FAAH2: variants seen among roughly 807,000 people sequenced by gnomAD.
The protein encoded by FAAH2 is fatty-acid amide hydrolase 2.
FAAH2 carries 60 observed loss-of-function variants against 36.9 expected under a neutral mutation model. The observed-to-expected ratio is 1.63, with a 90% CI of 1.32 to 2.02. The LOEUF (loss-of-function observed/expected upper bound fraction) is 2.02. Ranked by LOEUF, FAAH2 falls within the 30% of genes most tolerant of loss-of-function variation. The pLI, the probability that FAAH2 is intolerant of heterozygous loss-of-function variation, is 0.00. For synonymous variants in FAAH2, 214 were observed against 143.8 expected (o/e 1.49, Z -3.49); for missense variants, 689 against 397.5 (o/e 1.73, Z -6.23).
chrX:57,180,003 C>T, the FAAH2 span, among the ~76,000 whole-genome samples: 1 of 111,976 alleles, frequency 8.9e-6, no homozygotes, highest in Non-Finnish European at 1.9e-5. Context: ...AAACAATCTG[C>T]TCTTGAATGA....
At chrX:57,327,809 T>C in intron 3 of FAAH2, among the ~76,000 whole-genome samples, 1 of 111,817 alleles carries the variant, frequency 8.9e-6, no homozygotes, top group Non-Finnish European at 1.9e-5. Context: ...CTTGCCGTAG[T>C]TTGATAATCT....
chrX:57,383,305 A>T (rs750060053), intron 7 of FAAH2, among the ~76,000 whole-genome samples: 4 of 112,019 alleles, frequency 3.6e-5, no homozygotes, highest in Non-Finnish European at 3.8e-5. Context: ...TATGCAACAT[A>T]GTGTTGGAAG....
intron 7 of FAAH2, among the ~76,000 whole-genome samples, chrX:57,397,417 T>C (rs1026858134): frequency 2.3e-4 from 26 of 112,252 alleles, no homozygotes; most frequent in African/African-American, 7.8e-4. Flanking sequence ...GTCATTTTTT[T>C]GTTTCCATAT....
At chrX:57,350,302 A>G (rs2147095699) in intron 5 of FAAH2, among the ~76,000 whole-genome samples, 1 of 111,058 alleles carries the variant, frequency 9.0e-6, no homozygotes, top group Non-Finnish European at 1.9e-5. Context: ...ATGAAAACAC[A>G]TGAAAGCAAA....
chrX:57,131,376 C>T, the FAAH2 span, among the ~76,000 whole-genome samples: 2 of 111,584 alleles, frequency 1.8e-5, no homozygotes, highest in African/African-American at 6.5e-5. Flanking sequence ...TGAGCCACCG[C>T]GCCCGGCCGG....
At chrX:57,242,188 G>A in the FAAH2 span, among the ~76,000 whole-genome samples, 1 of 111,813 alleles carries the variant, frequency 8.9e-6, no homozygotes, top group South Asian at 3.7e-4. Context: ...GGGGTCAGCA[G>A]ACACCTTATA....
the FAAH2 span, among the ~76,000 whole-genome samples, chrX:57,264,780 A>G: frequency 3.6e-5 from 4 of 112,595 alleles, no homozygotes; most frequent in Non-Finnish European, 7.5e-5. Flanking sequence ...ATGGAATCAA[A>G]CCAAATACCC....
chrX:57,300,155 C>G (rs1000808859), intron 2 of FAAH2, among the ~76,000 whole-genome samples: 1 of 111,424 alleles, frequency 9.0e-6, no homozygotes, highest in African/African-American at 3.3e-5. Context: ...CCAAGTCAAT[C>G]CTAAGCCAAA....
At chrX:57,149,789 T>G in the FAAH2 span, among the ~76,000 whole-genome samples, 1 of 111,730 alleles carries the variant, frequency 9.0e-6, no homozygotes, top group African/African-American at 3.3e-5. Context: ...AGGTATTTCT[T>G]GCCTTCTGCC....
intron 7 of FAAH2, among the ~76,000 whole-genome samples, chrX:57,405,656 C>T (rs2055550879): frequency 9.6e-6 from 1 of 103,702 alleles, no homozygotes; most frequent in East Asian, 3.0e-4. Flanking sequence ...GGGGGTTGCC[C>T]CATTTTTTAA....
intron 2 of FAAH2, among the ~76,000 whole-genome samples, chrX:57,294,098 A>G (rs2052063691): frequency 8.9e-6 from 1 of 112,130 alleles, no homozygotes; most frequent in South Asian, 3.7e-4. Flanking sequence ...TGGCATTAAG[A>G]TGAAAAATAT....
intron 7 of FAAH2, among the ~76,000 whole-genome samples, chrX:57,401,191 G>A (rs960933939): frequency 9.0e-6 from 1 of 111,503 alleles, no homozygotes; most frequent in Non-Finnish European, 1.9e-5. Flanking sequence ...GTTTCTGAAC[G>A]GGCAGCTAAA....
chrX:57,251,909 C>G, the FAAH2 span, among the ~76,000 whole-genome samples: 1 of 111,657 alleles, frequency 9.0e-6, no homozygotes, highest in Non-Finnish European at 1.9e-5. Context: ...TTGCCTCACC[C>G]AGGAAGTGCA....
At position 57,483,142 on chromosome X, in the gene FAAH2, C is replaced by A. The variant is rs777716563; in HGVS notation, c.1424-5615C>A. 2.7e-5 allele frequency among the ~76,000 whole-genome samples: 3 copies of A among 111,423 alleles called. No homozygotes were observed. The East Asian group carries it at 8.5e-4, about 32-fold the overall frequency. ...TTTTTCTTCCTCTCTCTTAGAAATG[C>A]CAATATGTTATAGGTTTTGTTGCTT... On this transcript the variant is annotated intron_variant, in intron 10 of 10. Coordinates refer to ENST00000374900, the MANE Select transcript of FAAH2 (RefSeq NM_174912.4).
intron 10 of FAAH2, among the ~76,000 whole-genome samples, chrX:57,467,913 G>A (rs2057081664): frequency 8.9e-6 from 1 of 111,842 alleles, no homozygotes; most frequent in Non-Finnish European, 1.9e-5. Flanking sequence ...CCAGAGGAAT[G>A]ATCAGGCAGC....
the FAAH2 span, among the ~76,000 whole-genome samples, chrX:57,161,619 CTTCT>C: frequency 2.7e-5 from 3 of 111,534 alleles, no homozygotes; most frequent in African/African-American, 9.8e-5. Context: ...ATGTAATGGC[CTTCT>C]TTGTCTCCTT....
intron 1 of FAAH2, 93 bp downstream of exon 1, chrX:57,287,110 T>A: frequency 1.0e-6 from 1 of 952,903 alleles, no homozygotes; most frequent in Non-Finnish European, 1.4e-6. Flanking sequence ...TTCCTTTCCA[T>A]TCTCTACTAG....
chrX:57,177,577 AATATATATATAT>A, the FAAH2 span, among the ~76,000 whole-genome samples: 5,503 of 34,780 alleles, frequency 0.16, 845 homozygotes, highest in African/African-American at 0.43. Context: ...TCAAAATTTA[AATATATATATAT>A]ATATATATAT....
chrX:57,257,611 C>T, the FAAH2 span, among the ~76,000 whole-genome samples: 1 of 110,014 alleles, frequency 9.1e-6, no homozygotes. Context: ...TTGATGGGTG[C>T]AGCAAACCAC....
Sources: gnomAD v4.1 joint callset for allele counts (sites outside exome capture counted in the v4.1 genomes callset) on GRCh38, gnomAD v4.1.1 for gene constraint, MANE v1.5 for transcripts, NCBI Gene and HGNC (gene_info 2026-07-23, HGNC 2026-07-21) for gene names.